Variants in KCTD1 observed in about 807,000 individuals in gnomAD.
The protein encoded by KCTD1 is potassium channel tetramerization domain containing 1.
A neutral mutation model predicts 66.0 loss-of-function variants in KCTD1; 24 were observed. That is an observed-to-expected ratio of 0.36 (90% CI 0.26 to 0.51). The LOEUF (loss-of-function observed/expected upper bound fraction) is 0.51, where lower values mean the gene tolerates loss of function less well. Ranked by LOEUF, KCTD1 falls within the 20% of genes least tolerant of loss-of-function variation. KCTD1 has a pLI of 0.95. For synonymous variants in KCTD1, 511 were observed against 517.2 expected, an observed-to-expected ratio of 0.99 and a Z score of 0.16; for missense variants, 943 against 1,205.2, an observed-to-expected ratio of 0.78 and a Z score of 3.22.
chr18:26,563,571 AC>A (rs1567995171), intron 1 of KCTD1, among the ~76,000 whole-genome samples: 1 of 152,168 alleles, frequency 6.6e-6, no homozygotes, highest in Non-Finnish European at 1.5e-5. Flanking sequence ...ACATTCCCTG[AC>A]TTCAGCAGGC....
intron 1 of KCTD1, among the ~76,000 whole-genome samples, chr18:26,526,356 C>T (rs753491353): frequency 7.2e-5 from 11 of 152,170 alleles, no homozygotes; most frequent in Non-Finnish European, 1.5e-4. Context: ...CCTTCCAGCT[C>T]TTGGAGGCTG....
intron 2 of KCTD1, among the ~76,000 whole-genome samples, chr18:26,495,352 T>G (rs1231237683): frequency 6.6e-6 from 1 of 152,204 alleles, no homozygotes; most frequent in Non-Finnish European, 1.5e-5. Context: ...CCCTTAGTGT[T>G]GCAGTTGTCT....
At chr18:26,459,515 G>A (rs879168043) in intron 4 of KCTD1, 105 bp downstream of exon 4, 1 of 1,085,114 alleles carries the variant, frequency 9.2e-7, no homozygotes, top group African/African-American at 1.6e-5. Flanking sequence ...GTGTCACTGA[G>A]TGAGTTTCTA....
intron 1 of KCTD1, among the ~76,000 whole-genome samples, chr18:26,515,016 T>C (rs577076010): frequency 1.3e-5 from 2 of 152,318 alleles, no homozygotes; most frequent in Admixed American, 1.3e-4. Flanking sequence ...TTTACTGCAT[T>C]GAGCTATTCT....
chr18:26,514,337 G>A (rs1983520477), intron 1 of KCTD1, among the ~76,000 whole-genome samples: 1 of 152,066 alleles, frequency 6.6e-6, no homozygotes, highest in African/African-American at 2.4e-5. Context: ...AGGGCTGCTT[G>A]CGGCCAGGAG....
intron 1 of KCTD1, among the ~76,000 whole-genome samples, chr18:26,655,435 TACACACACAC>T (rs10631197): frequency 6.6e-6 from 1 of 150,760 alleles, no homozygotes; most frequent in Non-Finnish European, 1.5e-5. Flanking sequence ...CCACTCAGGA[TACACACACAC>T]ACACACAGAC....
intron 1 of KCTD1, among the ~76,000 whole-genome samples, chr18:26,651,231 C>T (rs2145079575): frequency 6.6e-6 from 1 of 152,324 alleles, no homozygotes; most frequent in Admixed American, 6.5e-5. Context: ...AAGCCCTTTG[C>T]CAAGTGCCCT....
At chr18:26,571,558 T>C (rs1986106469) in intron 1 of KCTD1, among the ~76,000 whole-genome samples, 1 of 152,238 alleles carries the variant, frequency 6.6e-6, no homozygotes, top group Non-Finnish European at 1.5e-5. Context: ...TAATACCTAA[T>C]ACAATATAAA....
chr18:26,570,191 A>AAAAAAATATATAT lies in KCTD1; in HGVS notation c.-16+58955_-16+58956insATATATATTTTTT, dbSNP rs776923644. On this transcript the variant is annotated intron_variant, in intron 1 of 4. Transcript: ENST00000317932. ...ACAGAGCAAGACTCCATCTAAAAAA[A>AAAAAAATATATAT]ATATATATATATATATATATATATG... 1.2e-4 allele frequency among the ~76,000 whole-genome samples: 16 copies of AAAAAAATATATAT among 132,534 alleles called. No homozygotes were observed. The South Asian group carries it at 1.3e-3, about 10-fold the overall frequency. 86.9% of individuals were successfully genotyped at this position (132,534 alleles called of 152,430 possible).
At chr18:26,472,490 T>C (rs891829484) in intron 3 of KCTD1, among the ~76,000 whole-genome samples, 15 of 152,242 alleles carry the variant, frequency 9.9e-5, no homozygotes, top group African/African-American at 3.6e-4. Flanking sequence ...ATAAAATTCA[T>C]ACTAAAGCAT....
At chr18:26,490,640 C>A (rs549851954) in intron 2 of KCTD1, among the ~76,000 whole-genome samples, 2 of 152,158 alleles carry the variant, frequency 1.3e-5, no homozygotes, top group Admixed American at 6.5e-5. Flanking sequence ...AAGGGAGATA[C>A]TAAGCAAAAT....
At chr18:26,604,897 T>TA (rs888180774) in intron 1 of KCTD1, among the ~76,000 whole-genome samples, 16 of 151,272 alleles carry the variant, frequency 1.1e-4, no homozygotes, top group South Asian at 2.1e-4. Flanking sequence ...AAATAAAAGT[T>TA]AAAAAAAAAT....
At position 26,501,258 on chromosome 18, in the gene KCTD1, G is replaced by C. The variant is rs1420581906; in HGVS notation, c.1810-8C>G. On this transcript the variant is annotated splice_region_variant and splice_polypyrimidine_tract_variant and intron_variant, in intron 1 of 4. Coordinates refer to ENST00000580059, the MANE Select transcript of KCTD1 (RefSeq NM_001142730.3). Reference sequence around the variant, plus strand: ...CATATTGGGCCGACTGTCCTACAGAGAGATAAGCAAGTTTAGATACTTTTT... The same window carrying C: ...CATATTGGGCCGACTGTCCTACAGACAGATAAGCAAGTTTAGATACTTTTT... 6.2e-7 allele frequency: 1 copy of C among 1,609,592 alleles called. No homozygotes were observed. The highest frequency in any genetic ancestry group is 8.5e-7 in the Non-Finnish European group (1 of 1,177,110).
At chr18:26,611,377 GTC>G (rs1340255679) in intron 1 of KCTD1, among the ~76,000 whole-genome samples, 1 of 151,866 alleles carries the variant, frequency 6.6e-6, no homozygotes, top group African/African-American at 2.4e-5. Context: ...TTGAGATGGA[GTC>G]TCTCTCTGTC....
chr18:26,523,065 C>A (rs1027343328), intron 1 of KCTD1, among the ~76,000 whole-genome samples: 1 of 152,006 alleles, frequency 6.6e-6, no homozygotes, highest in Non-Finnish European at 1.5e-5. Flanking sequence ...TAAAGTTACT[C>A]AAAAATTACA....
rs1045162751 is a variant in KCTD1, at chr18:26,476,978, C to A, written c.1989-319G>T. On this transcript the variant is annotated intron_variant, in intron 2 of 4. Coordinates refer to ENST00000580059, the MANE Select transcript of KCTD1 (RefSeq NM_001142730.3). The surrounding 1 kb of genome is among the most constrained non-coding windows in gnomAD (Gnocchi z 4.9). ...ACATCTTTCCCCGTGTTACTTAAAA[C>A]AAGCATCCCTGATACTTAAAAAATG... 2 of 215,400 alleles carry A rather than the reference C, an allele frequency of 9.3e-6. No homozygotes were observed. The highest frequency in any genetic ancestry group is 1.8e-5 in the Non-Finnish European group (2 of 110,756). 13.3% of individuals were successfully genotyped at this position (215,400 alleles called of 1,614,324 possible). A position where few individuals can be genotyped will look rare whatever the true frequency, so the allele number is the denominator to read the frequency against.
intron 1 of KCTD1, among the ~76,000 whole-genome samples, chr18:26,656,938 G>C (rs1365811623): frequency 4.7e-5 from 7 of 149,742 alleles, no homozygotes; most frequent in Non-Finnish European, 7.5e-5. Context: ...CGGCGGAGCG[G>C]CCGCGGGGAG....
chr18:26,571,506 A>G (rs908883253), intron 1 of KCTD1, among the ~76,000 whole-genome samples: 3 of 152,190 alleles, frequency 2.0e-5, no homozygotes, highest in South Asian at 2.1e-4. Context: ...TATCACCTAC[A>G]CACATCCTCC....
At chr18:26,461,587 G>A (rs1434083152) in intron 3 of KCTD1, among the ~76,000 whole-genome samples, 1 of 152,214 alleles carries the variant, frequency 6.6e-6, no homozygotes, top group Non-Finnish European at 1.5e-5. Flanking sequence ...GTAGGAGTGG[G>A]GAAGCCTCTG....
Sources: allele counts gnomAD v4.1 joint callset (sites outside exome capture counted in the v4.1 genomes callset), GRCh38; gene constraint gnomAD v4.1.1; non-coding constraint Gnocchi (gnomAD v3.1); transcripts MANE v1.5; gene names NCBI Gene and HGNC (gene_info 2026-07-23, HGNC 2026-07-21).